The following PLA2R1 variants were observed in gnomAD, a reference collection of about 807,000 sequenced individuals.
PLA2R1 encodes the protein secretory phospholipase A2 receptor.
Under a neutral mutation model 195.9 loss-of-function variants are expected in PLA2R1, and 158 were observed. That is an observed-to-expected ratio of 0.81 (90% CI 0.71 to 0.92). PLA2R1 has a LOEUF of 0.92. Ranked by LOEUF, PLA2R1 falls within the 40% of genes least tolerant of loss-of-function variation. The probability of loss-of-function intolerance (pLI) is 0.00; values close to 1 mark genes in which losing one functional copy is unlikely to be tolerated. For synonymous variants in PLA2R1, 586 were observed against 598.2 expected (o/e 0.98, Z 0.30); for missense variants, 1,626 against 1,764.6 (o/e 0.92, Z 1.41).
At chr2:160,017,010 T>C (rs942673680) in intron 8 of PLA2R1, among the ~76,000 whole-genome samples, 6 of 152,200 alleles carry the variant, frequency 3.9e-5, no homozygotes, top group Non-Finnish European at 7.3e-5. Flanking sequence ...AGGGCGATTT[T>C]CATATATTAT....
At chr2:160,041,333 T>C (rs1335817302) in intron 3 of PLA2R1, among the ~76,000 whole-genome samples, 1 of 152,008 alleles carries the variant, frequency 6.6e-6, no homozygotes, top group Non-Finnish European at 1.5e-5. Context: ...ATATAAACAT[T>C]CTCTAATACT....
chr2:160,021,047 C>T (rs908537215), intron 7 of PLA2R1, among the ~76,000 whole-genome samples: 3 of 152,032 alleles, frequency 2.0e-5, no homozygotes, highest in Admixed American at 1.3e-4. Flanking sequence ...TAGGAAGGCC[C>T]ACTGGATTAT....
chr2:159,987,814 C>T lies in PLA2R1; in HGVS notation c.1835-456G>A, dbSNP rs554165183. Among the ~76,000 whole-genome samples, 9 of 152,096 alleles carry T rather than the reference C, an allele frequency of 5.9e-5. No homozygotes were observed. In the South Asian group the frequency reaches 1.9e-3, roughly 32 times the overall value. ...AGACCACAAAGTATACAACAGAAAA[C>T]CAAACTGTAAACCTTGGAAGAATGA... On this transcript the variant is annotated intron_variant, in intron 11 of 29. Coordinates refer to ENST00000283243, the MANE Select transcript of PLA2R1 (RefSeq NM_007366.5).
At chr2:160,049,001 C>T (rs1282787975) in intron 1 of PLA2R1, among the ~76,000 whole-genome samples, 6 of 151,798 alleles carry the variant, frequency 4.0e-5, no homozygotes, top group Non-Finnish European at 7.4e-5. Flanking sequence ...CCACTACGCC[C>T]GGCTAATTTT....
intron 10 of PLA2R1, among the ~76,000 whole-genome samples, chr2:160,007,616 C>T (rs1294170845): frequency 1.3e-5 from 2 of 152,116 alleles, no homozygotes; most frequent in East Asian, 3.8e-4. Context: ...ACTCCACTTA[C>T]AATAGTGCCC....
In PLA2R1 at chr2:159,967,578, A is replaced by C. The variant is rs987410894; in HGVS notation, c.2865T>G (p.His955Gln). 1 of 1,613,774 alleles carries C rather than the reference A, an allele frequency of 6.2e-7. No individual in the cohort carries two copies. The highest frequency in any genetic ancestry group is 1.7e-5 in the Admixed American group (1 of 60,022). Reference sequence around the variant, plus strand: ...ATAGCCATCCTTTGGGACACGTTCCATGTTGTTTTGGTGTATCTTTCTTTT... The same window carrying C: ...ATAGCCATCCTTTGGGACACGTTCCCTGTTGTTTTGGTGTATCTTTCTTTT... ...IEKKKDTPKQ[H>Q]GTCPKGWLYF... Residue 955 changes from histidine to glutamine, a missense_variant, in exon 20 of 30, where the codon CAT (histidine) becomes CAG (glutamine). Transcript: ENST00000283243.
rs1425324702 is a variant in PLA2R1, at chr2:160,042,034, G to A, written c.658C>T (p.Pro220Ser). The change falls in exon 3 of 30, where the codon CCT becomes TCT. Residue 220 changes from proline to serine, a missense_variant. Coordinates refer to ENST00000283243, the MANE Select transcript of PLA2R1 (RefSeq NM_007366.5). ...YERDEKWGFCPDPTSAEVGCD... is the reference protein window; with the variant it reads ...YERDEKWGFCSDPTSAEVGCD... ...CAAAATTTATTCTTACTGGGATCAG[G>A]GCAAAATCCCCACTTTTCATCTCTT... is the stretch of plus-strand genomic sequence containing the variant. 8.7e-6 allele frequency: 14 copies of A among 1,612,796 alleles called. No individual in the cohort carries two copies. In the Admixed American group the frequency reaches 2.3e-4, roughly 27 times the overall value.
intron 3 of PLA2R1, among the ~76,000 whole-genome samples, chr2:160,037,093 A>T (rs6751162): frequency 6.6e-6 from 1 of 152,026 alleles, no homozygotes; most frequent in Admixed American, 6.5e-5. Context: ...ATCTTCAATA[A>T]ATCCACATTT....
chr2:159,966,376 A>T (rs1247797546), intron 20 of PLA2R1, among the ~76,000 whole-genome samples: 1 of 152,218 alleles, frequency 6.6e-6, no homozygotes, highest in Non-Finnish European at 1.5e-5. Flanking sequence ...GCAGTTGCCA[A>T]GGGGTTCAGA....
At chr2:159,975,513 A>T (rs1181792980) in intron 17 of PLA2R1, among the ~76,000 whole-genome samples, 1 of 125,046 alleles carries the variant, frequency 8.0e-6, no homozygotes, top group Non-Finnish European at 1.9e-5. Flanking sequence ...TAGTCTTTAC[A>T]AACTTAAAAA....
Position 159,951,316 on chromosome 2 carries a change from T to C in PLA2R1, c.3540+24A>G, listed in dbSNP as rs79661179. The C allele has an allele frequency of 3.7e-3, 4,741 of 1,288,822 alleles. 133 individuals carry two copies. In the African/African-American group the frequency reaches 0.061, roughly 16 times the overall value. 79.8% of individuals were successfully genotyped at this position (1,288,822 alleles called of 1,614,324 possible). On this transcript the variant is annotated intron_variant, in intron 24 of 29. Coordinates refer to ENST00000283243, the MANE Select transcript of PLA2R1 (RefSeq NM_007366.5). The stretch of plus-strand genomic sequence containing the variant: ...TGCTAAACTTAATTATTCAAGGATG[T>C]CTCAAGGGAGTTAGGATACCTACAT...
intron 14 of PLA2R1, among the ~76,000 whole-genome samples, chr2:159,979,150 T>C (rs1417079115): frequency 6.6e-6 from 1 of 152,184 alleles, no homozygotes; most frequent in Non-Finnish European, 1.5e-5. Context: ...AAGTGAATAA[T>C]GTGATTTTTC....
At chr2:159,955,095 C>A (rs944542832) in intron 23 of PLA2R1, 104 bp downstream of exon 23, 30 of 810,388 alleles carry the variant, frequency 3.7e-5, no homozygotes, top group Non-Finnish European at 5.6e-5. Context: ...CACTGTTAGC[C>A]AGGAAACTGT....
intron 23 of PLA2R1, among the ~76,000 whole-genome samples, chr2:159,953,078 C>A (rs1687857098): frequency 6.6e-6 from 1 of 152,168 alleles, no homozygotes; most frequent in Non-Finnish European, 1.5e-5. Context: ...AAATGACATT[C>A]TTTGTATATG....
At chr2:159,995,804 TAC>T (rs200720800) in intron 11 of PLA2R1, among the ~76,000 whole-genome samples, 284 of 145,518 alleles carry the variant, frequency 2.0e-3, no homozygotes, top group African/African-American at 7.3e-3. Flanking sequence ...GAGCGCAAAA[TAC>T]AGAGAGTTCC....
rs374097301 is a variant in PLA2R1 at position 160,051,858 on chromosome 2, T to C, written c.110-6701A>G. On this transcript the variant is annotated intron_variant, in intron 1 of 29. Transcript: ENST00000283243. The stretch of plus-strand genomic sequence containing the variant: ...TCCTACCTCTCTCTCTGCATGGAAA[T>C]GTGCATTTTATCTGAAATCATCTGA... Among the ~76,000 whole-genome samples, 9 of 152,326 alleles carry C rather than the reference T, an allele frequency of 5.9e-5. No homozygotes were observed. In the East Asian group the frequency reaches 1.7e-3, roughly 29 times the overall value.
intron 12 of PLA2R1, among the ~76,000 whole-genome samples, chr2:159,986,951 ATG>A (rs368850448): frequency 2.0e-5 from 3 of 152,094 alleles, no homozygotes; most frequent in African/African-American, 7.2e-5. Flanking sequence ...TATCACCAGG[ATG>A]TGTCAATTTT....
chr2:160,036,276 G>A (rs561483328), intron 3 of PLA2R1, among the ~76,000 whole-genome samples: 1 of 152,300 alleles, frequency 6.6e-6, no homozygotes, highest in South Asian at 2.1e-4. Context: ...TTTTCCAAAT[G>A]TATATCTCCA....
At chr2:159,972,911 A>C (rs1369087854) in intron 17 of PLA2R1, among the ~76,000 whole-genome samples, 2 of 152,194 alleles carry the variant, frequency 1.3e-5, no homozygotes, top group African/African-American at 4.8e-5. Flanking sequence ...CATTTTATTA[A>C]AATTTTTATT....
Sources: allele counts gnomAD v4.1 joint callset (sites outside exome capture counted in the v4.1 genomes callset), GRCh38; gene constraint gnomAD v4.1.1; transcripts MANE v1.5; gene names NCBI Gene and HGNC (gene_info 2026-07-23, HGNC 2026-07-21).